The following ABCC1 variants were observed in gnomAD, a reference collection of about 807,000 sequenced individuals.
ABCC1 encodes multidrug resistance-associated protein 1.
Under a neutral mutation model 172.9 loss-of-function variants are expected in ABCC1, and 83 were observed. That is an observed-to-expected ratio of 0.48 (90% CI 0.40 to 0.58). The LOEUF (loss-of-function observed/expected upper bound fraction) is 0.58, where lower values mean the gene tolerates loss of function less well. Among genes scored for constraint, ABCC1 ranks in the 20% least tolerant of loss-of-function variants. The pLI is 0.00. For synonymous variants in ABCC1, 937 were observed against 825.2 expected, an observed-to-expected ratio of 1.14 and a Z score of -2.32; for missense variants, 1,817 against 2,002.7, an observed-to-expected ratio of 0.91 and a Z score of 1.77.
chr16:16,090,959 G>C (rs1483155713), intron 19 of ABCC1, among the ~76,000 whole-genome samples: 2 of 152,152 alleles, frequency 1.3e-5, no homozygotes, highest in African/African-American at 4.8e-5. Context: ...GAGAGAAACT[G>C]AGGACATACG....
intron 1 of ABCC1, among the ~76,000 whole-genome samples, chr16:15,971,117 G>A (rs896491570): frequency 1.3e-5 from 2 of 152,192 alleles, no homozygotes; most frequent in East Asian, 1.9e-4. Context: ...CTGAGAGAGG[G>A]AACCCCAGCT....
chr16:16,056,051 C>T (rs749103232), intron 11 of ABCC1, 41 bp from the exon 12 acceptor site: 5 of 1,580,524 alleles, frequency 3.2e-6, no homozygotes, highest in Admixed American at 1.7e-5. Flanking sequence ...GGGCTGATCC[C>T]AGGGTCGCCC....
chr16:16,036,642 C>A, intron 7 of ABCC1, 39 bp downstream of exon 7: 1 of 1,604,454 alleles, frequency 6.2e-7, no homozygotes, highest in South Asian at 1.1e-5. Context: ...ATGCCCTGGT[C>A]ACCTCCTTTC....
chr16:16,103,119 G>A (rs2051847412), intron 20 of ABCC1, among the ~76,000 whole-genome samples: 1 of 152,174 alleles, frequency 6.6e-6, no homozygotes, highest in Non-Finnish European at 1.5e-5. Context: ...GGAGGTTGAG[G>A]CAGGAGGATC....
intron 20 of ABCC1, among the ~76,000 whole-genome samples, chr16:16,103,997 G>C (rs1304588153): frequency 6.6e-6 from 1 of 152,126 alleles, no homozygotes; most frequent in African/African-American, 2.4e-5. Context: ...CAGGAGTGAA[G>C]CTGCAGACCT....
chr16:16,009,430 G>A lies in ABCC1; in HGVS notation c.226-346G>A, dbSNP rs574936552. Among the ~76,000 whole-genome samples, 167 of 152,270 alleles carry A rather than the reference G, an allele frequency of 1.1e-3. No individual in the cohort carries two copies. In the Middle Eastern group the frequency reaches 0.014, roughly 12 times the overall value. ...TACTGGTTGAATGAATGGTTGTCGT[G>A]GAGGGCTTTCTTGTGCAGTGCGCCG... On this transcript the variant is annotated intron_variant, in intron 2 of 30. Coordinates refer to ENST00000399410, the MANE Select transcript of ABCC1 (RefSeq NM_004996.4).
chr16:16,082,433 A>G (rs2050840517), intron 16 of ABCC1, among the ~76,000 whole-genome samples: 1 of 152,210 alleles, frequency 6.6e-6, no homozygotes, highest in Admixed American at 6.5e-5. Context: ...CGTAATAAAT[A>G]TATAGAGAAT....
chr16:15,951,569 T>C (rs934147668), intron 1 of ABCC1, among the ~76,000 whole-genome samples: 1 of 152,182 alleles, frequency 6.6e-6, no homozygotes, highest in Non-Finnish European at 1.5e-5. Flanking sequence ...TTCCAAGACT[T>C]GTTGGAGGTG....
intron 1 of ABCC1, among the ~76,000 whole-genome samples, chr16:16,005,430 C>T (rs1049945355): frequency 2.6e-5 from 4 of 151,760 alleles, no homozygotes; most frequent in African/African-American, 9.7e-5. Context: ...TCACTGCAAC[C>T]TCCGCCTCCT....
intron 1 of ABCC1, among the ~76,000 whole-genome samples, chr16:15,992,359 C>T (rs965274502): frequency 1.3e-5 from 2 of 152,258 alleles, no homozygotes; most frequent in African/African-American, 2.4e-5. Flanking sequence ...TGTGAAAAAT[C>T]GTCTTCCACA....
chr16:16,138,511 C>T lies in ABCC1; in HGVS notation c.4440C>T (p.Thr1480=), dbSNP rs754499431. 51 of 1,579,212 alleles carry T rather than the reference C, an allele frequency of 3.2e-5. No homozygotes were observed. The highest frequency in any genetic ancestry group is 4.1e-5 in the Non-Finnish European group (47 of 1,160,216). The change falls in exon 30 of 31, where the codon ACC becomes ACT. Residue 1480 remains threonine (T), a synonymous_variant. Coordinates refer to ENST00000399410, the MANE Select transcript of ABCC1 (RefSeq NM_004996.4). ...STIRTQFEDC[T]VLTIAHRLNT... is the part of the protein sequence containing the mutation. ...TCCGGACACAGTTCGAGGACTGCAC[C>T]GTCCTCACCATCGCCCACCGGCTCA...
chr16:15,966,286 C>T (rs1232572322), intron 1 of ABCC1, among the ~76,000 whole-genome samples: 1 of 151,908 alleles, frequency 6.6e-6, no homozygotes, highest in Non-Finnish European at 1.5e-5. Context: ...GTGGCAGGCA[C>T]CTGTAATCTC....
intron 20 of ABCC1, among the ~76,000 whole-genome samples, chr16:16,105,837 G>C (rs139651236): frequency 1.0e-3 from 155 of 151,218 alleles, no homozygotes; most frequent in Middle Eastern, 0.01. Context: ...TCATCTCTGG[G>C]GGTCTGCATA....
At chr16:15,985,221 G>A (rs2046716466) in intron 1 of ABCC1, among the ~76,000 whole-genome samples, 1 of 152,200 alleles carries the variant, frequency 6.6e-6, no homozygotes. Flanking sequence ...CTCCACTGTG[G>A]ATGTAGCGGG....
At chr16:16,138,714 CTTTTT>C (rs397973927) in intron 30 of ABCC1, among the ~76,000 whole-genome samples, 156 bp downstream of exon 30, 1 of 129,680 alleles carries the variant, frequency 7.7e-6, no homozygotes, top group Non-Finnish European at 1.6e-5. Context: ...CCAGCTATTT[CTTTTT>C]TTTTTTTTTT....
In ABCC1 at chr16:16,048,006, T is replaced by C. The variant is rs1168542276; in HGVS notation, c.1219-136T>C. The C allele has an allele frequency of 1.1e-5, 12 of 1,128,498 alleles. No homozygotes were observed. In the African/African-American group the frequency reaches 1.4e-4, roughly 13 times the overall value. 69.9% of individuals were successfully genotyped at this position (1,128,498 alleles called of 1,614,324 possible). On this transcript the variant is annotated intron_variant, in intron 9 of 30. Coordinates refer to ENST00000399410, the MANE Select transcript of ABCC1 (RefSeq NM_004996.4). ...GACACAGGCGTCCTGGGCAGACAGA[T>C]AGGTCGGGAGGGGAGGAGGAGAGAT...
At chr16:15,981,148 C>CA (rs1471988493) in intron 1 of ABCC1, among the ~76,000 whole-genome samples, 6 of 152,360 alleles carry the variant, frequency 3.9e-5, no homozygotes, top group Non-Finnish European at 8.8e-5. Context: ...TTGCAGGGTA[C>CA]AGCCCCCATC....
intron 23 of ABCC1, among the ~76,000 whole-genome samples, chr16:16,120,001 G>A (rs2045079956): frequency 6.6e-6 from 1 of 152,158 alleles, no homozygotes; most frequent in South Asian, 2.1e-4. Flanking sequence ...GCTATTCTGA[G>A]ACTGCGTGGG....
chr16:16,078,867 C>T (rs1445074245), intron 15 of ABCC1, among the ~76,000 whole-genome samples: 2 of 152,110 alleles, frequency 1.3e-5, no homozygotes, highest in Non-Finnish European at 1.5e-5. Flanking sequence ...TTAGTAGAAA[C>T]GGGGTTTCAC....
Sources: gnomAD v4.1 joint callset for allele counts (sites outside exome capture counted in the v4.1 genomes callset) on GRCh38, gnomAD v4.1.1 for gene constraint, MANE v1.5 for transcripts, NCBI Gene and HGNC (gene_info 2026-07-23, HGNC 2026-07-21) for gene names.